The following KIF3C variants were observed in gnomAD, a reference collection of about 807,000 sequenced individuals.
KIF3C encodes the protein kinesin family member 3C.
A neutral mutation model predicts 67.7 loss-of-function variants in KIF3C; 12 were observed. The ratio of observed to expected loss-of-function variants is 0.18; its 90% CI spans 0.11 to 0.29. The LOEUF is 0.29. Ranked by LOEUF, KIF3C falls within the 10% of genes least tolerant of loss-of-function variation. KIF3C has a pLI of 1.00. For missense variants in KIF3C, 789 were observed against 1,059.6 expected (o/e 0.74, Z 3.55); for synonymous variants, 393 against 426.2 (o/e 0.92, Z 0.96).
chr2:25,954,062 T>G (rs1047857478), intron 4 of KIF3C: 9 of 581,634 alleles, frequency 1.5e-5, no homozygotes, highest in African/African-American at 1.5e-4. Flanking sequence ...GCACCTAGCG[T>G]CCATTTTGAG....
intron 1 of KIF3C, among the ~76,000 whole-genome samples, chr2:25,957,850 G>A (rs1663846920): frequency 6.6e-6 from 1 of 152,200 alleles, no homozygotes; most frequent in Admixed American, 6.5e-5. Context: ...GGCCAAGGCA[G>A]GAGGAAGAGG....
chr2:25,932,412 T>A (rs890142547), intron 5 of KIF3C, among the ~76,000 whole-genome samples: 2 of 151,074 alleles, frequency 1.3e-5, no homozygotes, highest in African/African-American at 4.9e-5. Flanking sequence ...GTGCTGGGAT[T>A]ATAGGCATGA....
rs1054776257 is a variant in KIF3C, at chr2:25,958,109, G to A, written c.1546-1665C>T. ...CCGTTGCATCTGGCCAGTGAGTCAAGGCCATCAAATCTGCTCCTCAGTGCG... is the reference window on the plus strand; with the variant it reads ...CCGTTGCATCTGGCCAGTGAGTCAAAGCCATCAAATCTGCTCCTCAGTGCG... On this transcript the variant is annotated intron_variant, in intron 1 of 7. Transcript: ENST00000264712. This position sits in a 1 kb window ranked among gnomAD's most constrained non-coding sequence, Gnocchi z 4.5. Among the ~76,000 whole-genome samples the A allele has an allele frequency of 7.2e-5, 11 of 152,098 alleles. No individual in the cohort carries two copies. The highest frequency in any genetic ancestry group is 2.4e-4 in the African/African-American group (10 of 41,426).
chr2:25,938,255 GA>G, intron 5 of KIF3C: 1 of 452,214 alleles, frequency 2.2e-6, no homozygotes, highest in Non-Finnish European at 4.4e-6. Flanking sequence ...AGCTACTGAG[GA>G]GGTTACTCAG....
chr2:25,955,393 CCT>C lies in KIF3C; in HGVS notation c.1770+146_1770+147del, dbSNP rs1417292455. ...CCCCAGCCCCCGCCTCCTGCCTCCC[CCT>C]GTTGCTCACCCCCGAGGCCAAGCCA... is the stretch of plus-strand genomic sequence containing the variant. On this transcript the variant is annotated intron_variant, in intron 3 of 7. Transcript: ENST00000264712. The surrounding 1 kb of genome is among the most constrained non-coding windows in gnomAD (Gnocchi z 5.0). 11 of 927,288 alleles carry C rather than the reference CCT, an allele frequency of 1.2e-5. 1 individual carries two copies. Among genetic ancestry groups the C allele is most frequent in the African/African-American group, 8.2e-5 (5 of 60,704 alleles). The allele number at this position is 927,288 out of a possible 1,614,324, so 57.4% of individuals were successfully genotyped here. A position where few individuals can be genotyped will look rare whatever the true frequency, so the allele number is the denominator to read the frequency against.
chr2:25,962,850 A>AAT lies in KIF3C; in HGVS notation c.1546-6408_1546-6407dup, dbSNP rs1391718623. Among the ~76,000 whole-genome samples, 5 of 55,608 alleles carry AAT rather than the reference A, an allele frequency of 9.0e-5. No individual in the cohort carries two copies. The Admixed American group carries it at 1.4e-3, about 16-fold the overall frequency. The allele number at this position is 55,608 out of a possible 152,430, so 36.5% of individuals were successfully genotyped here. ...AAAATATATAAAATATATAATATAT[A>AAT]ATATAATATATAATATATATAATAT... is the stretch of plus-strand genomic sequence containing the variant. On this transcript the variant is annotated intron_variant, in intron 1 of 7. Transcript: ENST00000264712.
intron 1 of KIF3C, among the ~76,000 whole-genome samples, chr2:25,963,146 ATG>A (rs1169305679): frequency 3.3e-4 from 31 of 92,950 alleles, no homozygotes; most frequent in Admixed American, 1.8e-3. Context: ...ATATGCATAT[ATG>A]TGTGTGTGTG....
rs35756626 is a variant in KIF3C at position 25,952,525 on chromosome 2, A to ATGTG, written c.1890-624_1890-621dup. On this transcript the variant is annotated intron_variant, in intron 4 of 7. Transcript: ENST00000264712. The stretch of plus-strand genomic sequence containing the variant: ...TAGTCAATAACTTAATTGTATATAT[A>ATGTG]TGTGTGTGTGTGTGTGTGTGTGTGT... Among the ~76,000 whole-genome samples the ATGTG allele has an allele frequency of 2.6e-3, 374 of 144,480 alleles. 1 individual carries two copies. The highest frequency in any genetic ancestry group is 8.5e-3 in the African/African-American group (329 of 38,874). The allele number at this position is 144,480 out of a possible 152,430, so 94.8% of individuals were successfully genotyped here.
intron 5 of KIF3C, among the ~76,000 whole-genome samples, chr2:25,935,165 A>C (rs1330948482): frequency 4.6e-5 from 7 of 152,074 alleles, no homozygotes. Flanking sequence ...AATCACTTGA[A>C]CCTGGGAGGC....
At chr2:25,941,535 T>C (rs1010034448) in intron 5 of KIF3C, among the ~76,000 whole-genome samples, 1 of 148,708 alleles carries the variant, frequency 6.7e-6, no homozygotes, top group Non-Finnish European at 1.5e-5. Flanking sequence ...CTGGGCAACA[T>C]AGTGAAACCC....
chr2:25,962,080 G>A (rs1358824215), intron 1 of KIF3C, among the ~76,000 whole-genome samples: 1 of 152,192 alleles, frequency 6.6e-6, no homozygotes, highest in Admixed American at 6.5e-5. Context: ...GGCACATAGA[G>A]TAAGAGCTCA....
chr2:25,954,476 G>A (rs1434015451), intron 3 of KIF3C, 91 bp from the exon 4 acceptor site: 3 of 919,860 alleles, frequency 3.3e-6, no homozygotes, highest in African/African-American at 1.6e-5. Context: ...CAGGCTCAGA[G>A]TCTACCGACT....
At chr2:25,945,274 T>C (rs557497718) in intron 5 of KIF3C, among the ~76,000 whole-genome samples, 185 of 152,162 alleles carry the variant, frequency 1.2e-3, no homozygotes, top group Non-Finnish European at 2.1e-3. Flanking sequence ...TAGGACTAAT[T>C]CTTTGCAAAG....
At chr2:25,933,298 C>T (rs904455750) in intron 5 of KIF3C, among the ~76,000 whole-genome samples, 2 of 151,216 alleles carry the variant, frequency 1.3e-5, no homozygotes, top group Non-Finnish European at 2.9e-5. Flanking sequence ...ATAGATATTT[C>T]TCAGAAGATA....
chr2:25,972,318 A>G (rs1664304963), intron 1 of KIF3C, among the ~76,000 whole-genome samples: 1 of 152,152 alleles, frequency 6.6e-6, no homozygotes, highest in Non-Finnish European at 1.5e-5. Flanking sequence ...CTGAGCCTCA[A>G]TGTCACTTGA....
At chr2:25,933,460 C>A (rs1210769694) in intron 5 of KIF3C, among the ~76,000 whole-genome samples, 14 of 151,172 alleles carry the variant, frequency 9.3e-5, no homozygotes, top group Admixed American at 9.2e-4. Context: ...CCCTTGAGCC[C>A]AGAAATTTGA....
chr2:25,943,966 C>T (rs1460834974), intron 5 of KIF3C, among the ~76,000 whole-genome samples: 2 of 151,204 alleles, frequency 1.3e-5, no homozygotes. Context: ...TTGCAGTCAT[C>T]AGACATAGCA....
At chr2:25,946,879 G>A (rs888126012) in intron 5 of KIF3C, among the ~76,000 whole-genome samples, 2 of 151,572 alleles carry the variant, frequency 1.3e-5, no homozygotes, top group East Asian at 2.0e-4. Flanking sequence ...AAGGCTGGGC[G>A]CAGTGGCTCA....
At chr2:25,936,086 CA>C (rs529952771) in intron 5 of KIF3C, among the ~76,000 whole-genome samples, 208 of 135,392 alleles carry the variant, frequency 1.5e-3, no homozygotes, top group Non-Finnish European at 2.4e-3. Context: ...GACTCAGTCT[CA>C]AAAAAAAAAA....
Sources: gnomAD v4.1 joint callset for allele counts (sites outside exome capture counted in the v4.1 genomes callset) on GRCh38, gnomAD v4.1.1 for gene constraint, Gnocchi (gnomAD v3.1) non-coding constraint, MANE v1.5 for transcripts, NCBI Gene and HGNC (gene_info 2026-07-23, HGNC 2026-07-21) for gene names.